Variants in ZFP41 observed in about 807,000 individuals in gnomAD.
ZFP41 encodes zinc finger protein 41 homolog.
A neutral mutation model predicts 11.6 loss-of-function variants in ZFP41; 10 were observed. The observed-to-expected ratio is 0.86, with a 90% confidence interval of 0.53 to 1.47. The LOEUF is 1.47. Ranked by LOEUF, ZFP41 falls within the 40% of genes most tolerant of loss-of-function variation. ZFP41 has a pLI of 0.00. For synonymous variants in ZFP41, 123 were observed against 100.9 expected (o/e 1.22, Z -1.31); for missense variants, 302 against 264.6 (o/e 1.14, Z -0.98).
chr8:143,250,357 G>GA lies in ZFP41; in HGVS notation c.516dup (p.Cys173MetfsTer96). 1 of 1,613,990 alleles carries GA rather than the reference G, an allele frequency of 6.2e-7. No individual in the cohort carries two copies. The highest frequency in any genetic ancestry group is 8.5e-7 in the Non-Finnish European group (1 of 1,180,028). ...GACGCACACCGGGGAGAAGCCCTAC[G>GA]AATGCACGCACTGTGGGAAAGCCTT... On this transcript the variant is annotated frameshift_variant, in exon 2 of 3. Coordinates refer to ENST00000330701, the MANE Select transcript of ZFP41 (RefSeq NM_173832.6). LOFTEE classifies it high-confidence loss of function.
chr8:143,252,477 C>T (rs905885679), intron 2 of ZFP41, among the ~76,000 whole-genome samples: 1 of 152,226 alleles, frequency 6.6e-6, no homozygotes, highest in Admixed American at 6.5e-5. Context: ...TGGGGGGGTT[C>T]TGCTCTCGGG....
At chr8:143,251,920 AGT>A (rs541248927) in intron 2 of ZFP41, among the ~76,000 whole-genome samples, 1 of 152,118 alleles carries the variant, frequency 6.6e-6, no homozygotes, top group Non-Finnish European at 1.5e-5. Context: ...CCACACGCAG[AGT>A]GTGTCTCTTC....
In ZFP41 at chr8:143,262,701, C is replaced by T. The variant is rs1017415201; in HGVS notation, c.*3827C>T. 2.0e-5 allele frequency: 3 copies of T among 152,256 alleles called. No homozygotes were observed. Among genetic ancestry groups the T allele is most frequent in the Admixed American group, 2.0e-4 (3 of 15,278 alleles). The allele number at this position is 152,256 out of a possible 1,614,324, so 9.4% of individuals were successfully genotyped here. ...CTCTGCAGTAAACATTGATTTCTGA[C>T]TCGAGTGCTGTCTTCATTGAGCTCT... On this transcript the variant is annotated 3_prime_UTR_variant, in exon 3 of 3. Transcript: ENST00000330701.
At position 143,261,150 on chromosome 8, in the gene ZFP41, G is replaced by C. The variant is rs1425773531; in HGVS notation, c.*2276G>C. On this transcript the variant is annotated 3_prime_UTR_variant, in exon 3 of 3. Coordinates refer to ENST00000330701, the MANE Select transcript of ZFP41 (RefSeq NM_173832.6). ...GATCAGCGACTTAGGCCTGTTGGCTGTGGTGGGGTCCACCTGCGTTTCTGG... is the reference window on the plus strand; with the variant it reads ...GATCAGCGACTTAGGCCTGTTGGCTCTGGTGGGGTCCACCTGCGTTTCTGG... The C allele has an allele frequency of 6.6e-6, 1 of 152,354 alleles. No individual in the cohort carries two copies. Among genetic ancestry groups the C allele is most frequent in the South Asian group, 2.1e-4 (1 of 4,840 alleles). 9.4% of individuals were successfully genotyped at this position (152,354 alleles called of 1,614,324 possible).
intron 2 of ZFP41, among the ~76,000 whole-genome samples, chr8:143,252,102 G>C (rs182290780): frequency 6.6e-6 from 1 of 152,160 alleles, no homozygotes; most frequent in African/African-American, 2.4e-5. Context: ...CCCCTTCCCC[G>C]CAGAAATAGA....
chr8:143,249,712 G>C lies in ZFP41; in HGVS notation c.-132G>C, dbSNP rs1312699821. 1 of 1,393,668 alleles carries C rather than the reference G, an allele frequency of 7.2e-7. No homozygotes were observed. Among genetic ancestry groups the C allele is most frequent in the East Asian group, 2.5e-5 (1 of 40,216 alleles). 86.3% of individuals were successfully genotyped at this position (1,393,668 alleles called of 1,614,324 possible). Reference sequence around the variant, plus strand: ...CAGCACCAAGAGGATGGTGGCCCTTGGCCTCCTGGTGCAGAGCATCAGTCC... The same window carrying C: ...CAGCACCAAGAGGATGGTGGCCCTTCGCCTCCTGGTGCAGAGCATCAGTCC... On this transcript the variant is annotated 5_prime_UTR_variant, in exon 2 of 3. Transcript: ENST00000330701.
intron 2 of ZFP41, among the ~76,000 whole-genome samples, chr8:143,258,744 A>G (rs551436351): frequency 1.3e-5 from 2 of 152,222 alleles, no homozygotes; most frequent in African/African-American, 2.4e-5. Flanking sequence ...GTCGCAGAAG[A>G]AAAAAACATC....
At chr8:143,248,690 A>AGT (rs1563724658) in intron 1 of ZFP41, among the ~76,000 whole-genome samples, 4 of 149,284 alleles carry the variant, frequency 2.7e-5, no homozygotes, top group Non-Finnish European at 5.9e-5. Context: ...ACCAGGGCCC[A>AGT]CCCCCTGCCC....
intron 2 of ZFP41, among the ~76,000 whole-genome samples, chr8:143,252,047 T>C (rs979251678): frequency 5.6e-4 from 86 of 152,350 alleles, no homozygotes; most frequent in African/African-American, 1.9e-3. Flanking sequence ...GCCTCTCTCA[T>C]GCCCACTGCC....
intron 2 of ZFP41, among the ~76,000 whole-genome samples, chr8:143,254,649 T>A (rs1814864293): frequency 6.6e-6 from 1 of 150,778 alleles, no homozygotes; most frequent in African/African-American, 2.4e-5. Flanking sequence ...TTTTTTTTTT[T>A]TTGAGACAGA....
At chr8:143,257,183 T>A (rs1301631827) in intron 2 of ZFP41, among the ~76,000 whole-genome samples, 1 of 152,052 alleles carries the variant, frequency 6.6e-6, no homozygotes, top group South Asian at 2.1e-4. Flanking sequence ...AAGCACCCAG[T>A]GTAACAGTTA....
In ZFP41 at chr8:143,250,248, G is replaced by A. The variant is rs748782023; in HGVS notation, c.405G>A (p.Arg135=). The change falls in exon 2 of 3, where the codon AGG becomes AGA. Residue 135 remains arginine (R), a synonymous_variant. Coordinates refer to ENST00000330701, the MANE Select transcript of ZFP41 (RefSeq NM_173832.6). ...RHSSDVTKHQ[R]THTGEKPFKC... ...GCTCTGACGTCACCAAACACCAGAGGACTCACACGGGAGAGAAGCCCTTCA... is the reference window on the plus strand; with the variant it reads ...GCTCTGACGTCACCAAACACCAGAGAACTCACACGGGAGAGAAGCCCTTCA... 2.5e-6 allele frequency: 4 copies of A among 1,614,000 alleles called. No homozygotes were observed. Among genetic ancestry groups the A allele is most frequent in the East Asian group, 2.2e-5 (1 of 44,894 alleles).
intron 2 of ZFP41, among the ~76,000 whole-genome samples, chr8:143,259,301 G>A (rs1814983418): frequency 6.6e-6 from 1 of 151,856 alleles, no homozygotes; most frequent in African/African-American, 2.4e-5. Flanking sequence ...CAGTGTGGTG[G>A]TTGGGGACAC....
chr8:143,254,022 T>G (rs977734173), intron 2 of ZFP41, among the ~76,000 whole-genome samples: 7 of 152,218 alleles, frequency 4.6e-5, no homozygotes, highest in Non-Finnish European at 8.8e-5. Context: ...GAGAATCTAA[T>G]GCCACCGCTG....
In ZFP41 at chr8:143,250,207, A is replaced by G. The variant is rs890059011; in HGVS notation, c.364A>G (p.Lys122Glu). ...GCCCTTCAAGTGTGCGCAGTGCGGG[A>G]AGGCCTTCCGGCACAGCTCTGACGT... is the stretch of plus-strand genomic sequence containing the variant. ...EKPFKCAQCG[K>E]AFRHSSDVTK... The change falls in exon 2 of 3, where the codon AAG becomes GAG. Residue 122 changes from lysine (K) to glutamate (E), a missense_variant. Physicochemically the swap from Lys to Glu is moderately conservative, Grantham distance 56. Transcript: ENST00000330701. 1.2e-6 allele frequency: 2 copies of G among 1,614,076 alleles called. No individual in the cohort carries two copies. Among genetic ancestry groups the G allele is most frequent in the Non-Finnish European group, 1.7e-6 (2 of 1,180,024 alleles).
chr8:143,253,159 AGT>A (rs1814819481), intron 2 of ZFP41: 1 of 62,150 alleles, frequency 1.6e-5, no homozygotes, highest in Non-Finnish European at 4.7e-5. Flanking sequence ...CTGCAGGCAC[AGT>A]CAACTGCAGG....
In ZFP41 at chr8:143,250,032, C is replaced by G; in HGVS notation, c.189C>G (p.Ala63=). The part of the protein sequence containing the change: ...SPEDEEHVFD[A]FDASFKDDFE... ...AAGACGAAGAGCACGTCTTTGATGC[C>G]TTCGACGCTTCATTTAAAGATGACT... The change falls in exon 2 of 3, where the codon GCC becomes GCG. Residue 63 remains alanine, a synonymous_variant. Coordinates refer to ENST00000330701, the MANE Select transcript of ZFP41 (RefSeq NM_173832.6). The G allele has an allele frequency of 6.2e-7, 1 of 1,614,164 alleles. No individual in the cohort carries two copies. Among genetic ancestry groups the G allele is most frequent in the Non-Finnish European group, 8.5e-7 (1 of 1,180,034 alleles).
chr8:143,247,658 G>A (rs1004409485), intron 1 of ZFP41: 4 of 152,240 alleles, frequency 2.6e-5, no homozygotes, highest in Admixed American at 2.0e-4. Flanking sequence ...GGAGTTGCAC[G>A]ACAGAACCAG....
At chr8:143,258,479 A>G (rs13276942) in intron 2 of ZFP41, among the ~76,000 whole-genome samples, 13,938 of 152,236 alleles carry the variant, frequency 0.092, 770 homozygotes, top group African/African-American at 0.15. Context: ...AGACCCTGTC[A>G]TGGTGTGAGC....
Sources: gnomAD v4.1 joint callset for allele counts (sites outside exome capture counted in the v4.1 genomes callset) on GRCh38, gnomAD v4.1.1 for gene constraint, MANE v1.5 for transcripts, NCBI Gene and HGNC (gene_info 2026-07-23, HGNC 2026-07-21) for gene names.